The following B4GALT1 variants were observed in gnomAD, a reference collection of about 807,000 sequenced individuals.
The protein encoded by B4GALT1 is N-acetyllactosamine synthase.
B4GALT1 carries 16 observed loss-of-function variants against 34.9 expected under a neutral mutation model. The observed-to-expected ratio is 0.46, with a 90% CI of 0.31 to 0.70. B4GALT1 has a LOEUF of 0.70. B4GALT1 is among the 30% of genes least tolerant of loss of function. B4GALT1 has a pLI of 0.05. For missense variants in B4GALT1, 445 were observed against 530.5 expected (o/e 0.84, Z 1.58); for synonymous variants, 221 against 218.1 (o/e 1.01, Z -0.12).
At chr9:33,176,177 T>C in the B4GALT1 span, among the ~76,000 whole-genome samples, 1 of 152,180 alleles carries the variant, frequency 6.6e-6, no homozygotes, top group Non-Finnish European at 1.5e-5. Context: ...TTCCTCCTTT[T>C]CCAAAAGAAA....
At chr9:33,167,360 G>A (rs1249032157), upstream of B4GALT1, 1 of 678,126 alleles carries the variant, frequency 1.5e-6, no homozygotes, top group East Asian at 3.5e-5. Flanking sequence ...CCGAGGCGCC[G>A]GCGGAGAGGG....
chr9:33,118,071 T>TGCTTCAAG lies in B4GALT1; in HGVS notation c.837-1966_837-1959dup, dbSNP rs1292736337. ...CGGGCCCCTTCCTTGTTCACCACTG[T>TGCTTCAAG]GCTTCAAGGGATGAATCAAGAGGGG... On this transcript the variant is annotated intron_variant, in intron 3 of 5. Coordinates refer to ENST00000379731, the MANE Select transcript of B4GALT1 (RefSeq NM_001497.4). 2.6e-5 allele frequency among the ~76,000 whole-genome samples: 4 copies of TGCTTCAAG among 152,344 alleles called. No homozygotes were observed. In the East Asian group the frequency reaches 7.7e-4, roughly 29 times the overall value.
At position 33,113,340 on chromosome 9, in the gene B4GALT1, G is replaced by A; in HGVS notation, c.*114C>T. ...GAAAGCCATCTGAATGATGAGCGAA[G>A]GGGACCTGTCACTCAGACTGGTAAA... On this transcript the variant is annotated 3_prime_UTR_variant, in exon 6 of 6. Coordinates refer to ENST00000379731, the MANE Select transcript of B4GALT1 (RefSeq NM_001497.4). 1 of 1,475,902 alleles carries A rather than the reference G, an allele frequency of 6.8e-7. No individual in the cohort carries two copies. Among genetic ancestry groups the A allele is most frequent in the Non-Finnish European group, 9.5e-7 (1 of 1,056,614 alleles). The allele number at this position is 1,475,902 out of a possible 1,614,324, so 91.4% of individuals were successfully genotyped here. A position where few individuals can be genotyped will look rare whatever the true frequency, so the allele number is the denominator to read the frequency against.
At chr9:33,182,527 G>T in the B4GALT1 span, among the ~76,000 whole-genome samples, 2 of 152,034 alleles carry the variant, frequency 1.3e-5, no homozygotes, top group African/African-American at 4.8e-5. Context: ...GACTCCCCCT[G>T]GACTGACCAG....
At chr9:33,104,110 C>T (rs1839775283) in exon 3 of B4GALT1, 1 of 152,130 alleles carries the variant, frequency 6.6e-6, no homozygotes, top group South Asian at 2.1e-4. Context: ...TCTCTATAGT[C>T]CACTCCCAGA....
intron 1 of B4GALT1, among the ~76,000 whole-genome samples, chr9:33,150,233 TACACACACACAC>T (rs10701535): frequency 8.7e-5 from 12 of 138,132 alleles, no homozygotes; most frequent in Admixed American, 7.4e-4. Flanking sequence ...TACAGGTAGA[TACACACACACAC>T]ACACACACAC....
At chr9:33,171,200 C>T (rs982322736), upstream of B4GALT1, among the ~76,000 whole-genome samples, 1 of 152,230 alleles carries the variant, frequency 6.6e-6, no homozygotes, top group Non-Finnish European at 1.5e-5. Flanking sequence ...TTGCAGTTGG[C>T]TGGGCAGCTT....
Position 33,113,298 on chromosome 9 carries a change from C to T in B4GALT1, c.*156G>A. 7.0e-6 allele frequency: 8 copies of T among 1,145,800 alleles called. No homozygotes were observed. The highest frequency in any genetic ancestry group is 5.7e-4 in the Middle Eastern group (2 of 3,538). 71.0% of individuals were successfully genotyped at this position (1,145,800 alleles called of 1,614,324 possible). A position where few individuals can be genotyped will look rare whatever the true frequency, so the allele number is the denominator to read the frequency against. On this transcript the variant is annotated 3_prime_UTR_variant, in exon 6 of 6. Transcript: ENST00000379731. ...GCCAAGTTGGGGGCAAAATATCCCA[C>T]TCGTCCTGGTCATCTGGAAAGCCAT...
chr9:33,137,650 AGAG>A (rs1840290312), intron 1 of B4GALT1, among the ~76,000 whole-genome samples: 8 of 45,564 alleles, frequency 1.8e-4, no homozygotes, highest in Non-Finnish European at 4.4e-4. Flanking sequence ...CCCTTCCCTT[AGAG>A]AGTCTGTGGA....
At chr9:33,144,604 C>T (rs1477366223) in intron 1 of B4GALT1, among the ~76,000 whole-genome samples, 5 of 152,204 alleles carry the variant, frequency 3.3e-5, no homozygotes, top group Non-Finnish European at 7.3e-5. Flanking sequence ...TTATAAGCCA[C>T]CTCAAAAACT....
chr9:33,156,166 C>T (rs913579398), intron 1 of B4GALT1, among the ~76,000 whole-genome samples: 2 of 151,854 alleles, frequency 1.3e-5, no homozygotes, highest in African/African-American at 4.8e-5. Flanking sequence ...CAGAGTCTCA[C>T]TCTGTCACCC....
At chr9:33,123,235 G>T (rs1223731435) in intron 2 of B4GALT1, among the ~76,000 whole-genome samples, 1 of 128,052 alleles carries the variant, frequency 7.8e-6, no homozygotes, top group South Asian at 2.5e-4. Flanking sequence ...CCAAGATTGC[G>T]CCACTGCACT....
chr9:33,105,014 T>C (rs1024815981), intron 2 of B4GALT1, among the ~76,000 whole-genome samples: 4 of 151,660 alleles, frequency 2.6e-5, no homozygotes. Context: ...GAGACGGGGT[T>C]TCACTGTGTT....
At chr9:33,152,844 A>G (rs2118256844) in intron 1 of B4GALT1, among the ~76,000 whole-genome samples, 1 of 152,120 alleles carries the variant, frequency 6.6e-6, no homozygotes, top group East Asian at 1.9e-4. Flanking sequence ...ACTGCACTCC[A>G]CTCTGGGGGA....
At chr9:33,179,660 A>G in the B4GALT1 span, 1 of 152,192 alleles carries the variant, frequency 6.6e-6, no homozygotes, top group African/African-American at 2.4e-5. Flanking sequence ...TTGAATTTTG[A>G]TCTTTTCCAG....
chr9:33,126,662 A>ATTGTTAACATTGTTATCT, intron 2 of B4GALT1, among the ~76,000 whole-genome samples: 1 of 45,224 alleles, frequency 2.2e-5, no homozygotes, highest in Admixed American at 2.8e-4. Context: ...TAACCATAGC[A>ATTGTTAACATTGTTATCT]ATATGGTAGC....
intron 2 of B4GALT1, among the ~76,000 whole-genome samples, chr9:33,128,615 G>A (rs1840147206): frequency 6.6e-6 from 1 of 152,164 alleles, no homozygotes; most frequent in Non-Finnish European, 1.5e-5. Context: ...GGGTCCAAGT[G>A]CCCGAAGGAA....
chr9:33,181,453 C>CACACAA, the B4GALT1 span, among the ~76,000 whole-genome samples: 690 of 151,192 alleles, frequency 4.6e-3, 30 homozygotes, highest in African/African-American at 0.016. Flanking sequence ...CACACACACA[C>CACACAA]ACACACAAAC....
intron 1 of B4GALT1, among the ~76,000 whole-genome samples, chr9:33,161,870 T>C (rs996187276): frequency 1.3e-5 from 2 of 152,188 alleles, no homozygotes; most frequent in Non-Finnish European, 2.9e-5. Flanking sequence ...GGTAAACAGA[T>C]AGCAGGGAAA....
Sources: gnomAD v4.1 joint callset for allele counts (sites outside exome capture counted in the v4.1 genomes callset) on GRCh38, gnomAD v4.1.1 for gene constraint, MANE v1.5 for transcripts, NCBI Gene and HGNC (gene_info 2026-07-23, HGNC 2026-07-21) for gene names.